PRKD1: variants seen among roughly 807,000 people sequenced by gnomAD.
PRKD1 encodes the protein protein kinase D1, also known as serine/threonine-protein kinase D1.
PRKD1 carries 63 observed loss-of-function variants against 95.9 expected under a neutral mutation model. The observed-to-expected ratio is 0.66, with a 90% CI of 0.54 to 0.81. PRKD1 has a LOEUF of 0.81. Ranked by LOEUF, PRKD1 falls within the 30% of genes least tolerant of loss-of-function variation. PRKD1 has a pLI of 0.00. For missense variants in PRKD1, 1,048 were observed against 1,165.3 expected, an observed-to-expected ratio of 0.90 and a Z score of 1.47; for synonymous variants, 425 against 423.1, an observed-to-expected ratio of 1.00 and a Z score of -0.05.
At chr14:29,773,297 T>A (rs930876413) in intron 1 of PRKD1, among the ~76,000 whole-genome samples, 1 of 151,890 alleles carries the variant, frequency 6.6e-6, no homozygotes, top group African/African-American at 2.4e-5. Context: ...CCCACTCTAC[T>A]AAAAATACAA....
At chr14:29,694,328 T>C (rs1884398892) in intron 2 of PRKD1, among the ~76,000 whole-genome samples, 1 of 152,226 alleles carries the variant, frequency 6.6e-6, no homozygotes, top group South Asian at 2.1e-4. Context: ...CACTATTTAT[T>C]TGTCACACAT....
chr14:29,583,208 AT>A (rs773079763), intron 16 of PRKD1, among the ~76,000 whole-genome samples: 8 of 152,200 alleles, frequency 5.3e-5, no homozygotes, highest in Non-Finnish European at 1.5e-5. Context: ...CTATATCCAA[AT>A]ACCTAGATTT....
intron 1 of PRKD1, among the ~76,000 whole-genome samples, chr14:29,738,910 C>T (rs1313214891): frequency 1.3e-5 from 2 of 151,516 alleles, no homozygotes; most frequent in Non-Finnish European, 2.9e-5. Context: ...TGGCTCAGTG[C>T]AACTTCCACT....
chr14:29,598,921 G>T, intron 15 of PRKD1, 106 bp downstream of exon 15: 1 of 970,176 alleles, frequency 1.0e-6, no homozygotes, highest in South Asian at 1.5e-5. Context: ...GAAAACACTT[G>T]AAACAAATAA....
Position 29,577,162 on chromosome 14 carries a change from T to C in PRKD1, c.*76A>G. Reference sequence around the variant, plus strand: ...ATCTGACAGAAAATAATGGCAGTTCTGCAAGGCAAATGTTAAACCTGACCG... The same window carrying C: ...ATCTGACAGAAAATAATGGCAGTTCCGCAAGGCAAATGTTAAACCTGACCG... On this transcript the variant is annotated 3_prime_UTR_variant, in exon 18 of 18. Coordinates refer to ENST00000331968, the MANE Select transcript of PRKD1 (RefSeq NM_002742.3). The C allele has an allele frequency of 6.9e-7, 1 of 1,452,274 alleles. No homozygotes were observed. The highest frequency in any genetic ancestry group is 9.6e-7 in the Non-Finnish European group (1 of 1,043,330). 90.0% of individuals were successfully genotyped at this position (1,452,274 alleles called of 1,614,324 possible). A position where few individuals can be genotyped will look rare whatever the true frequency, so the allele number is the denominator to read the frequency against.
rs938099941 is a variant in PRKD1 at position 29,638,825 on chromosome 14, A to G, written c.776T>C (p.Leu259Pro). The G allele has an allele frequency of 2.8e-6, 4 of 1,434,364 alleles. No homozygotes were observed. The highest frequency in any genetic ancestry group is 1.1e-5 in the South Asian group (1 of 88,750). The allele number at this position is 1,434,364 out of a possible 1,614,324, so 88.9% of individuals were successfully genotyped here. ...SQSYIGRPIH[L>P]DKILMSKVKV... ...AACTTTAGACATCAAAATCTTGTCA[A>G]GGTGAATTGGTCGTCCAATGTATGA... The change falls in exon 5 of 18, where the codon CTT (leucine) becomes CCT (proline). Residue 259 changes from leucine to proline, a missense_variant. Physicochemically the swap from Leu to Pro is moderately conservative, Grantham distance 98. Coordinates refer to ENST00000331968, the MANE Select transcript of PRKD1 (RefSeq NM_002742.3).
intron 2 of PRKD1, among the ~76,000 whole-genome samples, chr14:29,705,797 C>G (rs1885057737): frequency 6.6e-6 from 1 of 152,066 alleles, no homozygotes; most frequent in Admixed American, 6.6e-5. Flanking sequence ...TAACAAGTAT[C>G]TTTACTTCAT....
At chr14:29,889,191 C>A (rs1481338865) in intron 1 of PRKD1, among the ~76,000 whole-genome samples, 1 of 152,190 alleles carries the variant, frequency 6.6e-6, no homozygotes, top group Admixed American at 6.5e-5. Flanking sequence ...CACAAGCATA[C>A]GGAGCCTTTA....
At chr14:29,700,988 G>GCACACACA (rs1555337072) in intron 2 of PRKD1, among the ~76,000 whole-genome samples, 21 of 90,568 alleles carry the variant, frequency 2.3e-4, no homozygotes, top group Non-Finnish European at 3.3e-4. Context: ...GCGCGCGCGC[G>GCACACACA]CACACACACA....
Position 29,670,009 on chromosome 14 carries a change from T to C in PRKD1, c.404-3801A>G. ...TTGCATTTGTGAATATCTCAAATTA[T>C]TAGAAAGTTGTTTTTATTGAGGCCC... On this transcript the variant is annotated intron_variant, in intron 2 of 17. Coordinates refer to ENST00000331968, the MANE Select transcript of PRKD1 (RefSeq NM_002742.3). Among the ~76,000 whole-genome samples, 2 of 152,220 alleles carry C rather than the reference T, an allele frequency of 1.3e-5. 1 individual carries two copies. The highest frequency in any genetic ancestry group is 1.3e-4 in the Admixed American group (2 of 15,290).
chr14:29,907,673 A>T (rs1203094807), intron 1 of PRKD1, among the ~76,000 whole-genome samples: 1 of 152,212 alleles, frequency 6.6e-6, no homozygotes, highest in Non-Finnish European at 1.5e-5. Context: ...ATAAGCAAGC[A>T]ACTGTTTCTT....
intron 2 of PRKD1, among the ~76,000 whole-genome samples, chr14:29,701,471 C>T (rs1243506539): frequency 6.6e-6 from 1 of 152,182 alleles, no homozygotes; most frequent in African/African-American, 2.4e-5. Flanking sequence ...TTCCACATTA[C>T]TAGCTGAAAT....
At chr14:29,732,699 T>C (rs1484014002) in intron 1 of PRKD1, among the ~76,000 whole-genome samples, 3 of 152,172 alleles carry the variant, frequency 2.0e-5, no homozygotes, top group Non-Finnish European at 4.4e-5. Context: ...TCTCATCTTT[T>C]TTTGGAAAGC....
intron 1 of PRKD1, among the ~76,000 whole-genome samples, chr14:29,804,259 C>G (rs1182035441): frequency 6.6e-6 from 1 of 150,924 alleles, no homozygotes; most frequent in Non-Finnish European, 1.5e-5. Flanking sequence ...AAAATGTATG[C>G]AAAAGGCAAG....
intron 2 of PRKD1, among the ~76,000 whole-genome samples, chr14:29,721,595 C>T (rs555727697): frequency 2.2e-4 from 34 of 152,204 alleles, no homozygotes; most frequent in African/African-American, 5.5e-4. Flanking sequence ...TTGATAGAGG[C>T]CCATCATGAA....
chr14:29,608,115 T>C (rs936697467), intron 13 of PRKD1, among the ~76,000 whole-genome samples: 1 of 152,226 alleles, frequency 6.6e-6, no homozygotes, highest in African/African-American at 2.4e-5. Flanking sequence ...TCTGCCAATC[T>C]GGATGCATCC....
chr14:29,592,309 C>CG (rs1893158475), intron 16 of PRKD1, among the ~76,000 whole-genome samples: 2 of 152,012 alleles, frequency 1.3e-5, no homozygotes, highest in Non-Finnish European at 2.9e-5. Context: ...GAGCTAGACT[C>CG]TCCTTTTGTG....
intron 11 of PRKD1, 86 bp downstream of exon 11, chr14:29,628,955 A>T: frequency 1.0e-6 from 1 of 977,718 alleles, no homozygotes; most frequent in South Asian, 2.4e-5. Context: ...CTAAAAAATT[A>T]AAATGAATTA....
chr14:29,787,179 G>A (rs1205972010), intron 1 of PRKD1, among the ~76,000 whole-genome samples: 1 of 143,500 alleles, frequency 7.0e-6, no homozygotes, highest in Non-Finnish European at 1.5e-5. Flanking sequence ...GTGTTCCACT[G>A]TGGTCTGAGA....
Sources: gnomAD v4.1 joint callset for allele counts (sites outside exome capture counted in the v4.1 genomes callset) on GRCh38, gnomAD v4.1.1 for gene constraint, MANE v1.5 for transcripts, NCBI Gene and HGNC (gene_info 2026-07-23, HGNC 2026-07-21) for gene names.